Variants in MTA3 observed in about 807,000 individuals in gnomAD.
MTA3 encodes the protein metastasis associated 1 family member 3.
A neutral mutation model predicts 83.5 loss-of-function variants in MTA3; 34 were observed. The ratio of observed to expected loss-of-function variants is 0.41; its 90% confidence interval spans 0.31 to 0.54. The LOEUF (loss-of-function observed/expected upper bound fraction) is 0.54. MTA3 is among the 20% of genes least tolerant of loss of function. The pLI, the probability that MTA3 is intolerant of heterozygous loss-of-function variation, is 0.33. For synonymous variants in MTA3, 303 were observed against 252.7 expected (o/e 1.20, Z -1.89); for missense variants, 761 against 726.4 (o/e 1.05, Z -0.55).
chr2:42,709,143 A>ATT, intron 14 of MTA3, 47 bp downstream of exon 14: 1 of 1,515,526 alleles, frequency 6.6e-7, no homozygotes, highest in Non-Finnish European at 8.8e-7. Context: ...GCTTCTGACC[A>ATT]TTTTCTCTTT....
intron 2 of MTA3, among the ~76,000 whole-genome samples, chr2:42,560,249 T>C (rs1479294596): frequency 6.8e-6 from 1 of 147,440 alleles, no homozygotes; most frequent in African/African-American, 2.5e-5. Context: ...CTTGAACTCC[T>C]GACCTGAGGT....
At chr2:42,643,859 A>G (rs1687921889) in intron 5 of MTA3, among the ~76,000 whole-genome samples, 1 of 152,188 alleles carries the variant, frequency 6.6e-6, no homozygotes, top group South Asian at 2.1e-4. Context: ...TTAGAGAGCA[A>G]ATGGTTTTCT....
intron 3 of MTA3, among the ~76,000 whole-genome samples, chr2:42,591,311 G>A (rs1180602009): frequency 6.6e-6 from 1 of 152,188 alleles, no homozygotes. Context: ...ATACACCTGT[G>A]TAGGGCACTT....
At chr2:42,743,502 G>A (rs895443590) in intron 16 of MTA3, among the ~76,000 whole-genome samples, 3 of 152,184 alleles carry the variant, frequency 2.0e-5, no homozygotes, top group African/African-American at 7.2e-5. Flanking sequence ...GGAAAGTGAT[G>A]AATTGTACAA....
chr2:42,540,556 T>G (rs1323478366), intron 2 of MTA3, among the ~76,000 whole-genome samples: 1 of 152,036 alleles, frequency 6.6e-6, no homozygotes, highest in Non-Finnish European at 1.5e-5. Context: ...TTTCCCCAGC[T>G]GGGCACAGTA....
chr2:42,580,500 T>G (rs563085618), intron 3 of MTA3, among the ~76,000 whole-genome samples: 1 of 152,162 alleles, frequency 6.6e-6, no homozygotes, highest in African/African-American at 2.4e-5. Context: ...GCCTCCTGGG[T>G]AGCTGGGATT....
chr2:42,695,634 CAAAAAAAAAAAAAAAAAA>C (rs70963347), intron 9 of MTA3, 113 bp from the exon 10 acceptor site: 3 of 130,152 alleles, frequency 2.3e-5, no homozygotes, highest in Admixed American at 2.3e-4. Flanking sequence ...CAGTCTATCT[CAAAAAAAAAAAAAAAAAA>C]AAAAAAAAAG....
chr2:42,505,574 A>T (rs1347949621), intron 2 of MTA3, among the ~76,000 whole-genome samples: 1 of 151,958 alleles, frequency 6.6e-6, no homozygotes, highest in Non-Finnish European at 1.5e-5. Flanking sequence ...GGAACCAGTT[A>T]GGTGATGCCA....
intron 8 of MTA3, chr2:42,680,319 C>T (rs928928759): frequency 6.6e-6 from 1 of 152,258 alleles, no homozygotes; most frequent in Non-Finnish European, 1.5e-5. Context: ...GTGACAGCTG[C>T]AGTGGCATAG....
At chr2:42,569,936 A>C (rs1164433107) in intron 1 of MTA3, 2 of 149,504 alleles carry the variant, frequency 1.3e-5, no homozygotes, top group Non-Finnish European at 3.0e-5. Context: ...CTTCCTCTTA[A>C]CCTGTTCTGC....
At chr2:42,570,150 TAA>T (rs1678306102) in intron 1 of MTA3, among the ~76,000 whole-genome samples, 1 of 152,212 alleles carries the variant, frequency 6.6e-6, no homozygotes, top group South Asian at 2.1e-4. Context: ...TACACAGTGA[TAA>T]GAGGTGTCTT....
At chr2:42,710,797 G>A (rs903629902) in intron 14 of MTA3, among the ~76,000 whole-genome samples, 7 of 152,144 alleles carry the variant, frequency 4.6e-5, no homozygotes, top group African/African-American at 1.7e-4. Flanking sequence ...AAATGGTGAA[G>A]ACCAGTCACG....
chr2:42,572,965 T>A (rs1284223131), intron 2 of MTA3, among the ~76,000 whole-genome samples: 1 of 152,080 alleles, frequency 6.6e-6, no homozygotes, highest in African/African-American at 2.4e-5. Context: ...TGACCTCAGG[T>A]GATCCACCCG....
intron 11 of MTA3, among the ~76,000 whole-genome samples, chr2:42,701,647 G>A (rs1665569702): frequency 1.3e-5 from 2 of 152,160 alleles, no homozygotes; most frequent in African/African-American, 2.4e-5. Context: ...TGGGCACAGT[G>A]ACTTACGCCT....
chr2:42,554,912 AG>A (rs1345426536), intron 2 of MTA3, among the ~76,000 whole-genome samples: 1 of 152,134 alleles, frequency 6.6e-6, no homozygotes, highest in Admixed American at 6.6e-5. Context: ...ATGGTTTGGG[AG>A]GCTGAGGCTT....
chr2:42,621,986 C>T (rs1685608317), intron 4 of MTA3, among the ~76,000 whole-genome samples: 1 of 152,314 alleles, frequency 6.6e-6, no homozygotes, highest in South Asian at 2.1e-4. Context: ...AGACGCTCCT[C>T]ACTTCCCAGA....
At chr2:42,602,670 T>A (rs1179029377) in intron 3 of MTA3, among the ~76,000 whole-genome samples, 1 of 152,200 alleles carries the variant, frequency 6.6e-6, no homozygotes, top group Non-Finnish European at 1.5e-5. Context: ...ACTGAGGGGT[T>A]CTCTAAATGA....
intron 3 of MTA3, among the ~76,000 whole-genome samples, chr2:42,609,048 T>TG (rs1683853221): frequency 1.3e-5 from 2 of 151,478 alleles, no homozygotes; most frequent in African/African-American, 4.9e-5. Context: ...TTTTTTTTTT[T>TG]TGAGACAGAT....
intron 4 of MTA3, among the ~76,000 whole-genome samples, chr2:42,634,932 TGTCA>T (rs1281248025): frequency 6.6e-6 from 1 of 152,256 alleles, no homozygotes; most frequent in African/African-American, 2.4e-5. Context: ...TTTATGAACA[TGTCA>T]GTATTATGTA....
Sources: allele counts gnomAD v4.1 joint callset (sites outside exome capture counted in the v4.1 genomes callset), GRCh38; gene constraint gnomAD v4.1.1; transcripts MANE v1.5; gene names NCBI Gene and HGNC (gene_info 2026-07-23, HGNC 2026-07-21).